NEB: variants seen among roughly 807,000 people sequenced by gnomAD.
NEB encodes nebulin.
A neutral mutation model predicts 952.2 loss-of-function variants in NEB; 512 were observed. The observed-to-expected ratio is 0.54, with a 90% confidence interval of 0.50 to 0.58. The LOEUF (loss-of-function observed/expected upper bound fraction) is 0.58, where lower values mean the gene tolerates loss of function less well. Among genes scored for constraint, NEB ranks in the 20% least tolerant of loss-of-function variants. The pLI, the probability that NEB is intolerant of heterozygous loss-of-function variation, is 0.00. For synonymous variants in NEB, 2,900 were observed against 3,149.8 expected, an observed-to-expected ratio of 0.92 and a Z score of 2.66; for missense variants, 8,428 against 9,231.1, an observed-to-expected ratio of 0.91 and a Z score of 3.56.
Position 151,727,856 on chromosome 2 carries a change from C to G in NEB, c.129G>C (p.Glu43Asp), listed in dbSNP as rs1290183134. ...GAGCTGGTTTGGAAGTTTCTGATTGCTCATAGTCAGATGTCCTTGTTGTCG... is the reference window on the plus strand; with the variant it reads ...GAGCTGGTTTGGAAGTTTCTGATTGGTCATAGTCAGATGTCCTTGTTGTCG... ...ETTTTRTSDYEQSETSKPALA... is the reference protein window; with the variant it reads ...ETTTTRTSDYDQSETSKPALA... Residue 43 changes from glutamate to aspartate, a missense_variant, in exon 5 of 182, where the codon GAG becomes GAC. Glu to Asp is a conservative substitution (Grantham distance 45). Around this residue, in one of 11 missense-constraint regions of NEB, gnomAD observed 2,851 missense variants for 2,791.5 expected, o/e 1.02. Coordinates refer to ENST00000397345, the MANE Select transcript of NEB (RefSeq NM_001164508.2). 1 of 1,613,058 alleles carries G rather than the reference C, an allele frequency of 6.2e-7. No homozygotes were observed. The highest frequency in any genetic ancestry group is 1.1e-5 in the South Asian group (1 of 90,796).
At chr2:151,662,942 A>T (rs2099164299) in intron 45 of NEB, among the ~76,000 whole-genome samples, 1 of 152,196 alleles carries the variant, frequency 6.6e-6, no homozygotes, top group Non-Finnish European at 1.5e-5. Flanking sequence ...CAGCCCTCAC[A>T]TTCCCAAAGA....
intron 44 of NEB, 44 bp from the exon 45 acceptor site, chr2:151,663,903 G>A: frequency 6.4e-7 from 1 of 1,555,018 alleles, no homozygotes. Flanking sequence ...TGGTAAAAGA[G>A]AACAAAGTAC....
intron 80 of NEB, 134 bp downstream of exon 80, chr2:151,610,382 G>A (rs566722585): frequency 1.3e-6 from 1 of 746,510 alleles, no homozygotes; most frequent in Non-Finnish European, 2.2e-6. Context: ...ACAACAAAGG[G>A]AATGGTCTTG....
rs2154177215 is a variant in NEB, at chr2:151,665,453, T to C, written c.5118A>G (p.Lys1706=). 2 of 1,613,574 alleles carry C rather than the reference T, an allele frequency of 1.2e-6. No individual in the cohort carries two copies. Among genetic ancestry groups the C allele is most frequent in the Admixed American group, 1.7e-5 (1 of 59,940 alleles). Residue 1706 remains lysine (K), a synonymous_variant, in exon 42 of 182, where the codon AAA becomes AAG. Transcript: ENST00000397345. ...TCTTCTCACTAAGAATCTCTCCTGC[T>C]TTCTTTGCCTTCTCCACCTCCAGGG... is the stretch of plus-strand genomic sequence containing the variant. The part of the protein sequence containing the change: ...IESLEVEKAK[K]AGEILSEKKY...
At chr2:151,651,370 C>A (rs563671419) in intron 52 of NEB, among the ~76,000 whole-genome samples, 1 of 152,128 alleles carries the variant, frequency 6.6e-6, no homozygotes. Flanking sequence ...ATAATCCTTA[C>A]GGGCTAAATG....
chr2:151,708,209 T>G (rs940040514), intron 12 of NEB, among the ~76,000 whole-genome samples: 1 of 152,212 alleles, frequency 6.6e-6, no homozygotes, highest in African/African-American at 2.4e-5. Context: ...TGCTTTTGTT[T>G]CGTATCTTAA....
intron 124 of NEB, among the ~76,000 whole-genome samples, chr2:151,558,887 T>C (rs1289883342): frequency 1.3e-5 from 2 of 152,192 alleles, no homozygotes; most frequent in Admixed American, 1.3e-4. Context: ...GACACAGGCA[T>C]GGGCAAACAC....
intron 102 of NEB, among the ~76,000 whole-genome samples, 172 bp from the exon 103 acceptor site, chr2:151,581,759 G>T (rs989390047): frequency 2.0e-5 from 3 of 150,258 alleles, no homozygotes; most frequent in African/African-American, 7.4e-5. Flanking sequence ...TTTTAAGTAA[G>T]ATTAATAGGT....
intron 4 of NEB, among the ~76,000 whole-genome samples, chr2:151,729,087 A>G (rs1289465095): frequency 6.6e-6 from 1 of 152,144 alleles, no homozygotes; most frequent in African/African-American, 2.4e-5. Context: ...AAGAGCTTGA[A>G]CGTGGAATAT....
chr2:151,629,644 A>G lies in NEB; in HGVS notation c.9726T>C (p.Thr3242=), dbSNP rs1574361511. Residue 3242 remains threonine, a splice_region_variant and synonymous_variant, in exon 68 of 182, where the codon ACT becomes ACC. Coordinates refer to ENST00000397345, the MANE Select transcript of NEB (RefSeq NM_001164508.2). The stretch of plus-strand genomic sequence containing the variant: ...CTTCTTCATTGGCAAGTTTGTATAG[A>G]GTCTATGAAAAGAAAGGCAAAGAGT... ...ARQNKINYSE[T]LYKLANEEAK... 6.2e-7 allele frequency: 1 copy of G among 1,612,890 alleles called. No homozygotes were observed. The highest frequency in any genetic ancestry group is 8.5e-7 in the Non-Finnish European group (1 of 1,179,030).
Position 151,562,725 on chromosome 2 carries a change from C to T in NEB, c.18777G>A (p.Arg6259=). 6.2e-7 allele frequency: 1 copy of T among 1,605,306 alleles called. No individual in the cohort carries two copies. The highest frequency in any genetic ancestry group is 8.5e-7 in the Non-Finnish European group (1 of 1,175,424). ...NDMMNHVLAK[R]CQYILSDLEY... Reference sequence around the variant, plus strand: ...CCAGGTCACTGAGGATGTACTGGCACCTTTTAGCCAGCACGTGATTCATCA... The same window carrying T: ...CCAGGTCACTGAGGATGTACTGGCATCTTTTAGCCAGCACGTGATTCATCA... The change falls in exon 120 of 182, where the codon AGG becomes AGA. Residue 6259 remains arginine (R), a synonymous_variant. Coordinates refer to ENST00000397345, the MANE Select transcript of NEB (RefSeq NM_001164508.2).
At chr2:151,707,276 G>A (rs769431725) in intron 12 of NEB, among the ~76,000 whole-genome samples, 6 of 152,132 alleles carry the variant, frequency 3.9e-5, no homozygotes, top group Non-Finnish European at 8.8e-5. Flanking sequence ...AAGAACACAT[G>A]GTCCTTGCCC....
chr2:151,489,286 G>T (rs1010601480), intron 181 of NEB, among the ~76,000 whole-genome samples: 6 of 152,166 alleles, frequency 3.9e-5, no homozygotes, highest in Non-Finnish European at 7.3e-5. Context: ...TAAACTAAGA[G>T]TTGTGAAGTA....
At chr2:151,572,622 T>C (rs2096677681) in intron 107 of NEB, among the ~76,000 whole-genome samples, 1 of 149,356 alleles carries the variant, frequency 6.7e-6, no homozygotes, top group East Asian at 2.0e-4. Context: ...CTCAGCTCAC[T>C]GCAACCTCTG....
chr2:151,567,198 C>T lies in NEB; in HGVS notation c.18126G>A (p.Gln6042=), dbSNP rs760522648. 2 of 1,609,934 alleles carry T rather than the reference C, an allele frequency of 1.2e-6. No homozygotes were observed. Among genetic ancestry groups the T allele is most frequent in the Non-Finnish European group, 1.7e-6 (2 of 1,177,150 alleles). ...MCHPDQNDVI[Q]ARKAYDLQSD... ...TCTGTAGGTCATAGGCCTTTCTTGC[C>T]TGAATAACATCGTTCTGGTCAGGAT... Residue 6042 remains glutamine (Q), a synonymous_variant, in exon 114 of 182, where the codon CAG becomes CAA. Coordinates refer to ENST00000397345, the MANE Select transcript of NEB (RefSeq NM_001164508.2).
At chr2:151,677,803 C>A in intron 33 of NEB, 32 bp from the exon 34 acceptor site, 2 of 1,612,724 alleles carry the variant, frequency 1.2e-6, no homozygotes, top group Non-Finnish European at 1.7e-6. Context: ...GAGTGAGGGC[C>A]TAGGACAGGG....
At position 151,533,522 on chromosome 2, in the gene NEB, T is replaced by A. The variant is rs750039342; in HGVS notation, c.21337A>T (p.Met7113Leu). ...NERKYKSSAK[M>L]FLQHGCNEIL... ...TCATTACATCCATGTTGCAGAAACA[T>A]CTTGGCACTAGATTTATATTTTCTC... Residue 7113 changes from methionine (M) to leucine (L), a missense_variant, in exon 143 of 182, where the codon ATG becomes TTG. By Grantham distance (15) the Met-to-Leu change is conservative. Transcript: ENST00000397345. The A allele has an allele frequency of 6.4e-7, 1 of 1,551,134 alleles. No individual in the cohort carries two copies. The highest frequency in any genetic ancestry group is 2.0e-5 in the Admixed American group (1 of 51,008).
intron 121 of NEB, among the ~76,000 whole-genome samples, chr2:151,561,607 T>A (rs920896806): frequency 1.3e-5 from 2 of 151,942 alleles, no homozygotes; most frequent in South Asian, 2.1e-4. Context: ...ACTTTTTTTT[T>A]TTTATTATTA....
intron 114 of NEB, 27 bp from the exon 115 acceptor site, chr2:151,565,847 G>A: frequency 6.6e-7 from 1 of 1,508,588 alleles, no homozygotes; most frequent in African/African-American, 1.4e-5. Context: ...AGATATAATG[G>A]AGGAATAAAT....
Sources: gnomAD v4.1 joint callset for allele counts (sites outside exome capture counted in the v4.1 genomes callset) on GRCh38, gnomAD v4.1.1 for gene constraint, gnomAD v4.1.1 regional missense constraint, MANE v1.5 for transcripts, NCBI Gene and HGNC (gene_info 2026-07-23, HGNC 2026-07-21) for gene names.